Variants in PDPK1 observed in about 807,000 individuals in gnomAD.
PDPK1 encodes the protein 3-phosphoinositide dependent protein kinase 1.
Under a neutral mutation model 39.8 loss-of-function variants are expected in PDPK1, and 7 were observed. The ratio of observed to expected loss-of-function variants is 0.18; its 90% confidence interval spans 0.10 to 0.33. The LOEUF (loss-of-function observed/expected upper bound fraction) is 0.33, where lower values mean the gene tolerates loss of function less well. Ranked by LOEUF, PDPK1 falls within the 10% of genes least tolerant of loss-of-function variation. PDPK1 has a pLI of 1.00. For synonymous variants in PDPK1, 118 were observed against 159.1 expected (o/e 0.74, Z 1.95); for missense variants, 182 against 384.7 (o/e 0.47, Z 4.41).
At chr16:2,589,680 C>A (rs1208971499) in intron 11 of PDPK1, among the ~76,000 whole-genome samples, 1 of 146,400 alleles carries the variant, frequency 6.8e-6, no homozygotes, top group African/African-American at 2.6e-5. Flanking sequence ...CAGAGTGAGA[C>A]CCTGTCTCAA....
At chr16:2,551,857 G>A (rs1167834542) in intron 1 of PDPK1, among the ~76,000 whole-genome samples, 1 of 151,392 alleles carries the variant, frequency 6.6e-6, no homozygotes, top group Non-Finnish European at 1.5e-5. Flanking sequence ...AGTAGAGACG[G>A]GGTTTCAACT....
chr16:2,585,960 GGCCT>G (rs2066865447), intron 10 of PDPK1, among the ~76,000 whole-genome samples: 1 of 152,194 alleles, frequency 6.6e-6, no homozygotes, highest in South Asian at 2.1e-4. Context: ...TCAGATGTGG[GGCCT>G]GCAGCCGGGG....
intron 1 of PDPK1, among the ~76,000 whole-genome samples, chr16:2,541,577 G>A (rs1431550444): frequency 2.0e-5 from 3 of 152,292 alleles, no homozygotes; most frequent in Admixed American, 6.5e-5. Context: ...AGTCCCCCAA[G>A]CAGGTGCGAG....
chr16:2,598,249 G>A lies in PDPK1; in HGVS notation c.*482G>A, dbSNP rs984765391. 6.4e-5 allele frequency: 15 copies of A among 234,634 alleles called. No individual in the cohort carries two copies. Among genetic ancestry groups the A allele is most frequent in the Non-Finnish European group, 1.1e-4 (13 of 119,044 alleles). 14.5% of individuals were successfully genotyped at this position (234,634 alleles called of 1,614,324 possible). ...CTCTTCACCAGGGAGGGAGCCCTGCGGGGGCCGCAGCTTTGTGGAGGGAGC... is the reference window on the plus strand; with the variant it reads ...CTCTTCACCAGGGAGGGAGCCCTGCAGGGGCCGCAGCTTTGTGGAGGGAGC... On this transcript the variant is annotated 3_prime_UTR_variant, in exon 14 of 14. Transcript: ENST00000342085.
Position 2,602,969 on chromosome 16 carries a change from C to A in PDPK1, c.*5202C>A. On this transcript the variant is annotated 3_prime_UTR_variant, in exon 14 of 14. Coordinates refer to ENST00000342085, the MANE Select transcript of PDPK1 (RefSeq NM_002613.5). ...CCACGTTGTTGTATGTATTGATGTA[C>A]AGCCTTGAATGTGAATAATTATTGT... is the stretch of plus-strand genomic sequence containing the variant. 1 of 231,696 alleles carries A rather than the reference C, an allele frequency of 4.3e-6. No homozygotes were observed. Among genetic ancestry groups the A allele is most frequent in the Non-Finnish European group, 8.6e-6 (1 of 116,860 alleles). The allele number at this position is 231,696 out of a possible 1,614,324, so 14.4% of individuals were successfully genotyped here.
At position 2,597,797 on chromosome 16, in the gene PDPK1, G is replaced by T. The variant is rs1200313798; in HGVS notation, c.*30G>T. 6 of 1,482,940 alleles carry T rather than the reference G, an allele frequency of 4.0e-6. No individual in the cohort carries two copies. The highest frequency in any genetic ancestry group is 1.1e-5 in the South Asian group (1 of 87,824). 91.9% of individuals were successfully genotyped at this position (1,482,940 alleles called of 1,614,324 possible). The stretch of plus-strand genomic sequence containing the variant: ...GCCTGCGGCCGGGCTGCCCTTCGCT[G>T]CCAGGACACCTGCCCCAGCGCGGCT... On this transcript the variant is annotated 3_prime_UTR_variant, in exon 14 of 14. Coordinates refer to ENST00000342085, the MANE Select transcript of PDPK1 (RefSeq NM_002613.5). This position sits in a 1 kb window ranked among gnomAD's most constrained non-coding sequence, Gnocchi z 6.3.
chr16:2,588,093 G>A (rs1420846991), intron 11 of PDPK1, among the ~76,000 whole-genome samples: 1 of 152,164 alleles, frequency 6.6e-6, no homozygotes, highest in African/African-American at 2.4e-5. Context: ...CTTGTGGGGA[G>A]GAATGAGAGG....
intron 11 of PDPK1, chr16:2,592,812 C>T (rs1266791925): frequency 2.2e-6 from 1 of 456,214 alleles, no homozygotes; most frequent in African/African-American, 2.0e-5. Context: ...CAGTCTCTGT[C>T]CATGCACCCT....
chr16:2,545,033 A>G lies in PDPK1; in HGVS notation c.24+6897A>G, dbSNP rs530586075. Reference sequence around the variant, plus strand: ...TCATCACATCCGAGATAGCATTAACATTGCATTTTTTTTTTTTTTTTGAGA... The same window carrying G: ...TCATCACATCCGAGATAGCATTAACGTTGCATTTTTTTTTTTTTTTTGAGA... On this transcript the variant is annotated intron_variant, in intron 1 of 13. Transcript: ENST00000342085. Among the ~76,000 whole-genome samples, 579 of 147,636 alleles carry G rather than the reference A, an allele frequency of 3.9e-3. 2 individuals are homozygous for G. The highest frequency in any genetic ancestry group is 0.014 in the African/African-American group (554 of 39,958).
intron 11 of PDPK1, among the ~76,000 whole-genome samples, chr16:2,591,525 C>A (rs987572183): frequency 2.0e-5 from 3 of 151,722 alleles, no homozygotes; most frequent in Non-Finnish European, 4.4e-5. Context: ...TATCCACAAA[C>A]ATCTACACTT....
intron 10 of PDPK1, among the ~76,000 whole-genome samples, chr16:2,585,516 C>T (rs1231550588): frequency 6.6e-6 from 1 of 152,230 alleles, no homozygotes; most frequent in Non-Finnish European, 1.5e-5. Context: ...TGGTACCTGC[C>T]CTTGGGCCAA....
At chr16:2,585,132 G>C (rs909375035) in intron 10 of PDPK1, among the ~76,000 whole-genome samples, 1 of 152,252 alleles carries the variant, frequency 6.6e-6, no homozygotes, top group African/African-American at 2.4e-5. Flanking sequence ...GCTTCTCTGA[G>C]TGTGGGGGTG....
intron 7 of PDPK1, among the ~76,000 whole-genome samples, chr16:2,577,802 C>G (rs2335108): frequency 0.019 from 2,665 of 137,262 alleles, 66 homozygotes; most frequent in Middle Eastern, 0.037. Flanking sequence ...GCAGTGGCAC[C>G]ATCTCTGCTC....
chr16:2,589,782 T>C (rs570428744), intron 11 of PDPK1, among the ~76,000 whole-genome samples: 65 of 152,228 alleles, frequency 4.3e-4, no homozygotes, highest in African/African-American at 1.5e-3. Flanking sequence ...AAAATATGTG[T>C]GATGAGCTCT....
Position 2,597,051 on chromosome 16 carries a change from C to A in PDPK1, c.1402-72C>A. ...TCCTGAGCAGCTCCGAGGGGCCGCC[C>A]AGCCCTCTAGGCTCCAGGAGATGCC... On this transcript the variant is annotated intron_variant, in intron 12 of 13. Coordinates refer to ENST00000342085, the MANE Select transcript of PDPK1 (RefSeq NM_002613.5). This position sits in a 1 kb window ranked among gnomAD's most constrained non-coding sequence, Gnocchi z 6.3. 7.6e-7 allele frequency: 1 copy of A among 1,311,906 alleles called. No homozygotes were observed. Among genetic ancestry groups the A allele is most frequent in the Non-Finnish European group, 1.0e-6 (1 of 962,532 alleles). The allele number at this position is 1,311,906 out of a possible 1,614,324, so 81.3% of individuals were successfully genotyped here.
rs746868398 is a variant in PDPK1, at chr16:2,597,106, T to C, written c.1402-17T>C. 8.4e-6 allele frequency: 13 copies of C among 1,542,390 alleles called. No homozygotes were observed. The highest frequency in any genetic ancestry group is 1.2e-5 in the South Asian group (1 of 80,494). On this transcript the variant is annotated splice_polypyrimidine_tract_variant and intron_variant, in intron 12 of 13. Coordinates refer to ENST00000342085, the MANE Select transcript of PDPK1 (RefSeq NM_002613.5). The surrounding 1 kb of genome is among the most constrained non-coding windows in gnomAD (Gnocchi z 6.3). ...GCACTGGCCTCTGAGGCCTGTTGTT[T>C]TGTGTTTTGGCGTCAGGGTTTATTT...
At chr16:2,543,530 A>G (rs1165608581) in intron 1 of PDPK1, among the ~76,000 whole-genome samples, 2 of 137,036 alleles carry the variant, frequency 1.5e-5, no homozygotes, top group African/African-American at 5.7e-5. Flanking sequence ...TGAGGGGCCC[A>G]GGCTCGGATG....
Position 2,573,850 on chromosome 16 carries a change from G to A in PDPK1, c.710-3575G>A, listed in dbSNP as rs62039663. On this transcript the variant is annotated intron_variant, in intron 6 of 13. Transcript: ENST00000342085. ...GCTCTTGTTGCCCAAGCTGGAGTGC[G>A]GTGGCGCGATCTCGGCTCACTGCAA... is the stretch of plus-strand genomic sequence containing the variant. Among the ~76,000 whole-genome samples the A allele has an allele frequency of 3.6e-3, 204 of 55,994 alleles. 1 individual carries two copies. The highest frequency in any genetic ancestry group is 4.7e-3 in the Non-Finnish European group (148 of 31,574). 36.7% of individuals were successfully genotyped at this position (55,994 alleles called of 152,430 possible). A position where few individuals can be genotyped will look rare whatever the true frequency, so the allele number is the denominator to read the frequency against.
rs1050404578 is a variant in PDPK1 at position 2,601,528 on chromosome 16, TAAC to T, written c.*3764_*3766del. On this transcript the variant is annotated 3_prime_UTR_variant, in exon 14 of 14. Transcript: ENST00000342085. ...TTTGCATCTGCACAGTCAGCAGAGA[TAAC>T]AAGTGTTGAACTGACCTTGCCACAT... 15 of 234,612 alleles carry T rather than the reference TAAC, an allele frequency of 6.4e-5. No homozygotes were observed. In the South Asian group the frequency reaches 9.1e-4, roughly 14 times the overall value. 14.5% of individuals were successfully genotyped at this position (234,612 alleles called of 1,614,324 possible).
Sources: allele counts gnomAD v4.1 joint callset (sites outside exome capture counted in the v4.1 genomes callset), GRCh38; gene constraint gnomAD v4.1.1; non-coding constraint Gnocchi (gnomAD v3.1); transcripts MANE v1.5; gene names NCBI Gene and HGNC (gene_info 2026-07-23, HGNC 2026-07-21).